Variants in KCND2 observed in about 807,000 individuals in gnomAD.
KCND2 encodes the protein A-type voltage-gated potassium channel KCND2.
KCND2 carries 16 observed loss-of-function variants against 54.4 expected under a neutral mutation model. The observed-to-expected ratio is 0.29, with a 90% CI of 0.20 to 0.45. KCND2 has a LOEUF of 0.45. Ranked by LOEUF, KCND2 falls within the 20% of genes least tolerant of loss-of-function variation. The pLI, the probability that KCND2 is intolerant of heterozygous loss-of-function variation, is 1.00. For missense variants in KCND2, 486 were observed against 824.2 expected, an observed-to-expected ratio of 0.59 and a Z score of 5.02; for synonymous variants, 317 against 310.7, an observed-to-expected ratio of 1.02 and a Z score of -0.21.
chr7:120,637,682 T>A (rs1035300298), intron 1 of KCND2, among the ~76,000 whole-genome samples: 2 of 152,100 alleles, frequency 1.3e-5, no homozygotes, highest in African/African-American at 4.8e-5. Flanking sequence ...ACTGTTTAGG[T>A]GAAAAAGAAA....
At chr7:120,516,391 T>C (rs1479755799) in intron 1 of KCND2, among the ~76,000 whole-genome samples, 2 of 152,114 alleles carry the variant, frequency 1.3e-5, no homozygotes, top group Admixed American at 1.3e-4. Flanking sequence ...TATACAGATA[T>C]TGCTTCAATT....
At chr7:120,683,036 T>C (rs532385815) in intron 1 of KCND2, among the ~76,000 whole-genome samples, 1 of 152,280 alleles carries the variant, frequency 6.6e-6, no homozygotes, top group East Asian at 1.9e-4. Flanking sequence ...AAAACATCTT[T>C]ACTTGTCCAT....
intron 1 of KCND2, among the ~76,000 whole-genome samples, chr7:120,611,781 A>G (rs1181139290): frequency 6.6e-6 from 1 of 152,216 alleles, no homozygotes; most frequent in African/African-American, 2.4e-5. Flanking sequence ...AAATATCATC[A>G]AAGGTTACAA....
chr7:120,595,567 G>C (rs1792732873), intron 1 of KCND2, among the ~76,000 whole-genome samples: 1 of 123,228 alleles, frequency 8.1e-6, no homozygotes, highest in South Asian at 2.7e-4. Context: ...ATATATATGT[G>C]TGTGTATATA....
chr7:120,333,073 A>G (rs1029601441), intron 1 of KCND2, among the ~76,000 whole-genome samples: 7 of 152,062 alleles, frequency 4.6e-5, no homozygotes, highest in Non-Finnish European at 8.8e-5. Flanking sequence ...TCCATACAGC[A>G]TTGTCTGATG....
At chr7:120,407,193 A>T (rs1272117404) in intron 1 of KCND2, among the ~76,000 whole-genome samples, 1 of 152,002 alleles carries the variant, frequency 6.6e-6, no homozygotes, top group Non-Finnish European at 1.5e-5. Context: ...TTTCCCGTGA[A>T]TCATCCCACA....
At chr7:120,546,744 T>G (rs1057282815) in intron 1 of KCND2, among the ~76,000 whole-genome samples, 3 of 152,024 alleles carry the variant, frequency 2.0e-5, no homozygotes, top group Non-Finnish European at 4.4e-5. Flanking sequence ...ATTCATCAAG[T>G]ACACAAATTA....
chr7:120,550,442 A>AGG (rs1792092092), intron 1 of KCND2, among the ~76,000 whole-genome samples: 2 of 152,132 alleles, frequency 1.3e-5, no homozygotes, highest in Non-Finnish European at 2.9e-5. Flanking sequence ...TTTTGCTTTA[A>AGG]ATAAGGAGAC....
intron 1 of KCND2, among the ~76,000 whole-genome samples, chr7:120,567,203 G>A (rs1039169750): frequency 6.6e-6 from 1 of 152,056 alleles, no homozygotes; most frequent in Non-Finnish European, 1.5e-5. Flanking sequence ...CTGTGTTTTT[G>A]CATGGGAGTA....
intron 1 of KCND2, among the ~76,000 whole-genome samples, chr7:120,526,932 C>G (rs1471193372): frequency 6.6e-6 from 1 of 151,952 alleles, no homozygotes; most frequent in African/African-American, 2.4e-5. Context: ...TTCCTTATAA[C>G]TGGAATGACA....
chr7:120,494,985 T>C (rs980958148), intron 1 of KCND2, among the ~76,000 whole-genome samples: 2 of 152,194 alleles, frequency 1.3e-5, no homozygotes, highest in Non-Finnish European at 2.9e-5. Flanking sequence ...TAAATAGCCA[T>C]GGAGTGTATA....
chr7:120,563,127 G>A (rs558300708), intron 1 of KCND2, among the ~76,000 whole-genome samples: 1 of 152,166 alleles, frequency 6.6e-6, no homozygotes, highest in East Asian at 1.9e-4. Flanking sequence ...TGTTATTAAC[G>A]TTTCTTCTAA....
At chr7:120,357,364 G>A (rs1472576712) in intron 1 of KCND2, among the ~76,000 whole-genome samples, 1 of 152,000 alleles carries the variant, frequency 6.6e-6, no homozygotes, top group Admixed American at 6.6e-5. Flanking sequence ...ATTACAATGT[G>A]CTTTTCCTGT....
At chr7:120,745,715 G>A in intron 4 of KCND2, 65 bp from the exon 5 acceptor site, 1 of 1,536,992 alleles carries the variant, frequency 6.5e-7, no homozygotes, top group Non-Finnish European at 9.0e-7. Flanking sequence ...TAAAAATAAA[G>A]CTATGTATTT....
chr7:120,278,569 C>A (rs1799214629), intron 1 of KCND2, among the ~76,000 whole-genome samples: 1 of 151,186 alleles, frequency 6.6e-6, no homozygotes, highest in Non-Finnish European at 1.5e-5. Flanking sequence ...TCATTCAGGA[C>A]TGGCAGAATC....
chr7:120,540,465 T>C (rs1791965919), intron 1 of KCND2, among the ~76,000 whole-genome samples: 1 of 152,176 alleles, frequency 6.6e-6, no homozygotes, highest in South Asian at 2.1e-4. Context: ...GAGAGCAGCT[T>C]TTCATCATAC....
chr7:120,273,881 GAA>G lies in KCND2; in HGVS notation c.-749_-748del, dbSNP rs918439591. 6.5e-6 allele frequency: 1 copy of G among 152,882 alleles called. No individual in the cohort carries two copies. Among genetic ancestry groups the G allele is most frequent in the Non-Finnish European group, 1.5e-5 (1 of 68,220 alleles). The allele number at this position is 152,882 out of a possible 1,614,324, so 9.5% of individuals were successfully genotyped here. On this transcript the variant is annotated 5_prime_UTR_variant, in exon 1 of 6. It removes the in-frame stop codon of an upstream open reading frame in the 5' UTR. Transcript: ENST00000331113. ...GTCACACTGCACCTGAGCTGAACTT[GAA>G]AAGAGAGTGAAGGGGCGATTGGGCG...
intron 1 of KCND2, among the ~76,000 whole-genome samples, chr7:120,614,016 A>AT (rs763691698): frequency 0.062 from 8,711 of 141,506 alleles, 294 homozygotes; most frequent in African/African-American, 0.093. Flanking sequence ...TCTTTGTTGG[A>AT]TTTTTTTTTT....
intron 1 of KCND2, among the ~76,000 whole-genome samples, chr7:120,555,782 A>G (rs1393520743): frequency 2.6e-5 from 4 of 152,222 alleles, no homozygotes; most frequent in Non-Finnish European, 5.9e-5. Context: ...ATCCCTGAAT[A>G]TGAACAGATC....
Sources: allele counts gnomAD v4.1 joint callset (sites outside exome capture counted in the v4.1 genomes callset), GRCh38; gene constraint gnomAD v4.1.1; transcripts MANE v1.5; gene names NCBI Gene and HGNC (gene_info 2026-07-23, HGNC 2026-07-21).